The following NPEPPS variants were observed in gnomAD, a reference collection of about 807,000 sequenced individuals.
The protein encoded by NPEPPS is aminopeptidase puromycin sensitive, also known as puromycin-sensitive aminopeptidase.
A neutral mutation model predicts 115.5 loss-of-function variants in NPEPPS; 14 were observed. The ratio of observed to expected loss-of-function variants is 0.12; its 90% CI spans 0.08 to 0.19. The LOEUF is 0.19. NPEPPS is among the 10% of genes least tolerant of loss of function. NPEPPS has a pLI of 1.00. For missense variants in NPEPPS, 523 were observed against 1,110.8 expected, an observed-to-expected ratio of 0.47 and a Z score of 7.52; for synonymous variants, 285 against 390.6, an observed-to-expected ratio of 0.73 and a Z score of 3.19.
intron 9 of NPEPPS, among the ~76,000 whole-genome samples, chr17:47,588,768 T>TTAAACAACTTTTTAC (rs1276975587): frequency 1.3e-5 from 2 of 152,166 alleles, no homozygotes; most frequent in Non-Finnish European, 2.9e-5. Flanking sequence ...TACATTCTTA[T>TTAAACAACTTTTTAC]TAAACAACTT....
intron 13 of NPEPPS, among the ~76,000 whole-genome samples, chr17:47,598,757 G>A (rs1461255425): frequency 6.6e-6 from 1 of 152,204 alleles, no homozygotes; most frequent in Non-Finnish European, 1.5e-5. Flanking sequence ...CAGTGTTACT[G>A]AAACTGTTTC....
At chr17:47,529,474 G>A (rs1254217058), upstream of NPEPPS, among the ~76,000 whole-genome samples, 1 of 145,190 alleles carries the variant, frequency 6.9e-6, no homozygotes, top group Non-Finnish European at 1.5e-5. Flanking sequence ...GCGTGATCTT[G>A]GCTCGCTGCA....
chr17:47,532,391 C>T (rs1291257985), intron 1 of NPEPPS, among the ~76,000 whole-genome samples: 1 of 152,110 alleles, frequency 6.6e-6, no homozygotes, highest in Non-Finnish European at 1.5e-5. Context: ...CGCGGTGGCT[C>T]ATGCCTGTAA....
intron 17 of NPEPPS, among the ~76,000 whole-genome samples, chr17:47,605,794 G>A (rs1349109555): frequency 6.6e-6 from 1 of 152,182 alleles, no homozygotes; most frequent in Admixed American, 6.5e-5. Flanking sequence ...GGAAATAAAA[G>A]TCTTTTGCAG....
intron 2 of NPEPPS, among the ~76,000 whole-genome samples, chr17:47,565,575 T>G (rs1910757951): frequency 6.6e-6 from 1 of 150,690 alleles, no homozygotes. Context: ...ATCCCTGCAC[T>G]TTGGGAGGCT....
intron 2 of NPEPPS, among the ~76,000 whole-genome samples, chr17:47,564,825 T>G (rs56861081): frequency 0.21 from 32,297 of 151,750 alleles, 4,093 homozygotes; most frequent in Non-Finnish European, 0.28. Flanking sequence ...CTAAGAGGTT[T>G]GAGATAGATC....
At chr17:47,605,203 T>A in intron 16 of NPEPPS, 130 bp from the exon 17 acceptor site, 1 of 576,734 alleles carries the variant, frequency 1.7e-6, no homozygotes, top group Non-Finnish European at 3.1e-6. Context: ...GCTAACAGTG[T>A]TCTGAGCTTA....
At position 47,585,135 on chromosome 17, in the gene NPEPPS, A is replaced by G. The variant is rs1912109846; in HGVS notation, c.649-365A>G. On this transcript the variant is annotated intron_variant, in intron 5 of 22. Transcript: ENST00000322157. ...AGCCACCGCGCCTAGCCCCTATTTT[A>G]TTTTTATTAATAGTCATTTTCTCCT... Among the ~76,000 whole-genome samples, 3 of 152,192 alleles carry G rather than the reference A, an allele frequency of 2.0e-5. No individual in the cohort carries two copies. The South Asian group carries it at 6.2e-4, about 32-fold the overall frequency.
Position 47,608,197 on chromosome 17 carries a change from G to A in NPEPPS, c.2095+2645G>A, listed in dbSNP as rs868657472. On this transcript the variant is annotated intron_variant, in intron 17 of 22. Coordinates refer to ENST00000322157, the MANE Select transcript of NPEPPS (RefSeq NM_006310.4). ...AGGCCAGGCGTGGTAGCTCACACCCGTAATCCCAGCACTTTGGAAGGCTGA... is the reference window on the plus strand; with the variant it reads ...AGGCCAGGCGTGGTAGCTCACACCCATAATCCCAGCACTTTGGAAGGCTGA... Among the ~76,000 whole-genome samples the A allele has an allele frequency of 5.3e-5, 8 of 152,266 alleles. No individual in the cohort carries two copies. In the East Asian group the frequency reaches 5.8e-4, roughly 11 times the overall value.
chr17:47,610,845 C>CTTTTTTTTT lies in NPEPPS; in HGVS notation c.2096-1597_2096-1589dup, dbSNP rs59893483. On this transcript the variant is annotated intron_variant, in intron 17 of 22. Transcript: ENST00000322157. Reference sequence around the variant, plus strand: ...GAAATTGCTGAGTCATATGATGACTCTTTTTTTTTTTTTTTTTTTTTTTTT... The same window carrying CTTTTTTTTT: ...GAAATTGCTGAGTCATATGATGACTCTTTTTTTTTTTTTTTTTTTTTTTTTTTTTTTTTT... Among the ~76,000 whole-genome samples, 4 of 100,112 alleles carry CTTTTTTTTT rather than the reference C, an allele frequency of 4.0e-5. 1 individual carries two copies. Among genetic ancestry groups the CTTTTTTTTT allele is most frequent in the African/African-American group, 1.7e-4 (4 of 24,024 alleles). The allele number at this position is 100,112 out of a possible 152,430, so 65.7% of individuals were successfully genotyped here.
intron 2 of NPEPPS, chr17:47,557,535 A>G (rs993505089): frequency 8.7e-5 from 13 of 149,288 alleles, no homozygotes; most frequent in African/African-American, 2.7e-4. Context: ...AAAAACAAAC[A>G]GAAGTCTTGA....
intron 2 of NPEPPS, among the ~76,000 whole-genome samples, chr17:47,555,943 G>A (rs1909981816): frequency 7.0e-6 from 1 of 143,724 alleles, no homozygotes; most frequent in Admixed American, 6.9e-5. Flanking sequence ...TTAGGTAGTA[G>A]TCAGGGCTCA....
Position 47,587,282 on chromosome 17 carries a change from T to C in NPEPPS, c.1033T>C (p.Trp345Arg), listed in dbSNP as rs749070520. The C allele has an allele frequency of 6.2e-7, 1 of 1,610,618 alleles. No individual in the cohort carries two copies. The highest frequency in any genetic ancestry group is 8.5e-7 in the Non-Finnish European group (1 of 1,178,864). ...PKNSCSSSRQ[W>R]VALVVGHELA... is the part of the protein sequence containing the mutation. Reference sequence around the variant, plus strand: ...AAATTCCTGTTCTTCATCCCGCCAGTGGGTTGCTCTGGTTGTGGGACATGA... The same window carrying C: ...AAATTCCTGTTCTTCATCCCGCCAGCGGGTTGCTCTGGTTGTGGGACATGA... Residue 345 changes from tryptophan to arginine, a missense_variant, in exon 9 of 23, where the codon TGG becomes CGG. Coordinates refer to ENST00000322157, the MANE Select transcript of NPEPPS (RefSeq NM_006310.4).
intron 17 of NPEPPS, among the ~76,000 whole-genome samples, chr17:47,611,458 CAAAAA>C (rs71141920): frequency 8.3e-6 from 1 of 120,162 alleles, no homozygotes. Context: ...GACCACATCT[CAAAAA>C]AAAAAAAAAA....
At chr17:47,566,569 C>T (rs185288258) in intron 2 of NPEPPS, among the ~76,000 whole-genome samples, 91 of 147,968 alleles carry the variant, frequency 6.1e-4, no homozygotes, top group African/African-American at 2.2e-3. Context: ...TGGCGCATCT[C>T]GGCTCACTGC....
chr17:47,550,458 A>G (rs1444510221), intron 2 of NPEPPS, among the ~76,000 whole-genome samples: 1 of 150,570 alleles, frequency 6.6e-6, no homozygotes, highest in Non-Finnish European at 1.5e-5. Flanking sequence ...TTGTTTTAAA[A>G]TAATCCTTAA....
At chr17:47,526,789 T>A (rs1158771574), upstream of NPEPPS, among the ~76,000 whole-genome samples, 1 of 151,754 alleles carries the variant, frequency 6.6e-6, no homozygotes, top group Non-Finnish European at 1.5e-5. Flanking sequence ...AAACCCTGTC[T>A]CTACTAAAAA....
chr17:47,621,989 T>A lies in NPEPPS; in HGVS notation c.*69T>A, dbSNP rs1914603303. On this transcript the variant is annotated 3_prime_UTR_variant, in exon 23 of 23. Coordinates refer to ENST00000322157, the MANE Select transcript of NPEPPS (RefSeq NM_006310.4). ...GGATAAGGTGGAGCTACCGAACAGC[T>A]GATTCATATGCCAAGAATTTGGAGT... 6.9e-7 allele frequency: 1 copy of A among 1,451,302 alleles called. No homozygotes were observed. The highest frequency in any genetic ancestry group is 9.2e-7 in the Non-Finnish European group (1 of 1,089,802). 89.9% of individuals were successfully genotyped at this position (1,451,302 alleles called of 1,614,324 possible).
rs1907771853 is a variant in NPEPPS at position 47,531,561 on chromosome 17, G to C, written c.255+6G>C. The C allele has an allele frequency of 6.3e-7, 1 of 1,596,738 alleles. No individual in the cohort carries two copies. Among genetic ancestry groups the C allele is most frequent in the Non-Finnish European group, 8.5e-7 (1 of 1,173,600 alleles). On this transcript the variant is annotated splice_donor_region_variant and intron_variant, in intron 1 of 22. Transcript: ENST00000322157. Reference sequence around the variant, plus strand: ...AGCTGGAGGCCGCCGCCCAGGTACAGCGACCCTCGGGCCCCGGGGCAAGCT... The same window carrying C: ...AGCTGGAGGCCGCCGCCCAGGTACACCGACCCTCGGGCCCCGGGGCAAGCT...
Sources: gnomAD v4.1 joint callset for allele counts (sites outside exome capture counted in the v4.1 genomes callset) on GRCh38, gnomAD v4.1.1 for gene constraint, MANE v1.5 for transcripts, NCBI Gene and HGNC (gene_info 2026-07-23, HGNC 2026-07-21) for gene names.